PSD3: variants seen among roughly 807,000 people sequenced by gnomAD.
The protein encoded by PSD3 is pleckstrin and Sec7 domain containing 3, also known as PH and SEC7 domain-containing protein 3.
A neutral mutation model predicts 105.5 loss-of-function variants in PSD3; 49 were observed. That is an observed-to-expected ratio of 0.46 (90% CI 0.37 to 0.59). The LOEUF (loss-of-function observed/expected upper bound fraction) is 0.59, where lower values mean the gene tolerates loss of function less well. Ranked by LOEUF, PSD3 falls within the 20% of genes least tolerant of loss-of-function variation. The pLI is 0.00. For missense variants in PSD3, 1,561 were observed against 1,263.8 expected, an observed-to-expected ratio of 1.24 and a Z score of -3.57; for synonymous variants, 557 against 457.8, an observed-to-expected ratio of 1.22 and a Z score of -2.77.
intron 2 of PSD3, among the ~76,000 whole-genome samples, chr8:18,916,590 G>C (rs1457064349): frequency 1.3e-5 from 2 of 151,584 alleles, no homozygotes; most frequent in African/African-American, 2.4e-5. Context: ...GCAGGGAGGA[G>C]GATGAGGAGG....
intron 8 of PSD3, among the ~76,000 whole-genome samples, chr8:18,797,698 T>G (rs1810311290): frequency 2.0e-5 from 3 of 152,330 alleles, no homozygotes; most frequent in Admixed American, 6.5e-5. Context: ...AATCTAGGAT[T>G]TAGTAGAAAC....
At position 18,532,970 on chromosome 8, in the gene PSD3, TGAGGTGGGCGACG is replaced by T; in HGVS notation, c.*2760_*2772del. On this transcript the variant is annotated 3_prime_UTR_variant, in exon 16 of 16. Coordinates refer to ENST00000327040, the MANE Select transcript of PSD3 (RefSeq NM_015310.4). ...AGGAAGTCCCAAGGCTCCTGGGCGC[TGAGGTGGGCGACG>T]GAGGTGGGTGGCGTACCTTCAGAGG... 1 of 152,218 alleles carries T rather than the reference TGAGGTGGGCGACG, an allele frequency of 6.6e-6. No homozygotes were observed. The highest frequency in any genetic ancestry group is 1.5e-5 in the Non-Finnish European group (1 of 68,088). 9.4% of individuals were successfully genotyped at this position (152,218 alleles called of 1,614,324 possible).
chr8:19,033,979 C>G (rs1200229706), intron 1 of PSD3, among the ~76,000 whole-genome samples: 1 of 152,066 alleles, frequency 6.6e-6, no homozygotes, highest in Non-Finnish European at 1.5e-5. Context: ...AAATAAATAT[C>G]TAGGGAAACG....
chr8:18,906,112 C>A (rs1255938603), intron 2 of PSD3, among the ~76,000 whole-genome samples: 3 of 152,090 alleles, frequency 2.0e-5, no homozygotes, highest in Non-Finnish European at 4.4e-5. Context: ...TTTTTCTGTT[C>A]TTTAAGTCTC....
At chr8:18,888,603 T>C (rs1818583494) in intron 2 of PSD3, among the ~76,000 whole-genome samples, 1 of 152,220 alleles carries the variant, frequency 6.6e-6, no homozygotes, top group Non-Finnish European at 1.5e-5. Flanking sequence ...GTTTTATTAC[T>C]GATACTATAA....
intron 1 of PSD3, among the ~76,000 whole-genome samples, chr8:18,995,983 C>T (rs1193430373): frequency 6.6e-6 from 1 of 151,884 alleles, no homozygotes; most frequent in African/African-American, 2.4e-5. Context: ...GTTAAACATG[C>T]AGATCTCAGG....
At chr8:18,961,432 T>C (rs993179698) in intron 1 of PSD3, among the ~76,000 whole-genome samples, 33 of 152,208 alleles carry the variant, frequency 2.2e-4, no homozygotes, top group African/African-American at 7.7e-4. Flanking sequence ...CTCACGCCTA[T>C]AATCCCAGCA....
intron 12 of PSD3, among the ~76,000 whole-genome samples, chr8:18,589,807 A>C (rs1331031522): frequency 6.6e-6 from 1 of 152,166 alleles, no homozygotes; most frequent in African/African-American, 2.4e-5. Context: ...CTGGAGCTGA[A>C]AGCAAAGGCT....
At chr8:18,973,333 A>C (rs964245727) in intron 1 of PSD3, among the ~76,000 whole-genome samples, 2 of 152,230 alleles carry the variant, frequency 1.3e-5, no homozygotes, top group African/African-American at 2.4e-5. Flanking sequence ...TGAGTGGCTT[A>C]AGCAACAGAC....
chr8:18,573,868 T>C (rs1441448524), intron 13 of PSD3, among the ~76,000 whole-genome samples: 1 of 152,188 alleles, frequency 6.6e-6, no homozygotes, highest in Non-Finnish European at 1.5e-5. Context: ...ATTGTGGTGA[T>C]GGCTGAGCCA....
upstream of PSD3, among the ~76,000 whole-genome samples, chr8:19,015,313 G>A (rs147124952): frequency 6.6e-6 from 1 of 152,168 alleles, no homozygotes; most frequent in Non-Finnish European, 1.5e-5. Context: ...ATGTGGAACT[G>A]CAAGTCCAAT....
intron 8 of PSD3, among the ~76,000 whole-genome samples, chr8:18,793,725 C>A (rs1326493088): frequency 1.3e-5 from 2 of 152,114 alleles, no homozygotes; most frequent in Admixed American, 1.3e-4. Context: ...GAGGGCATCA[C>A]AGATACAGAG....
In PSD3 at chr8:18,916,378, A is replaced by ACACACACACACAC. The variant is rs71218909; in HGVS notation, c.130+19655_130+19656insGTGTGTGTGTGTG. On this transcript the variant is annotated intron_variant, in intron 2 of 15. Coordinates refer to ENST00000327040, the MANE Select transcript of PSD3 (RefSeq NM_015310.4). ...CACACACACACACACACACACACAC[A>ACACACACACACAC]AACAGAATACTATACAGCCTTAAAA... 1.3e-3 allele frequency among the ~76,000 whole-genome samples: 110 copies of ACACACACACACAC among 84,054 alleles called. 4 individuals carry two copies. The highest frequency in any genetic ancestry group is 2.0e-3 in the Non-Finnish European group (85 of 41,794). 55.1% of individuals were successfully genotyped at this position (84,054 alleles called of 152,430 possible). A position where few individuals can be genotyped will look rare whatever the true frequency, so the allele number is the denominator to read the frequency against.
chr8:18,823,762 G>A (rs1812937670), intron 4 of PSD3, among the ~76,000 whole-genome samples: 2 of 144,576 alleles, frequency 1.4e-5, no homozygotes, highest in South Asian at 2.3e-4. Context: ...TACACATGGT[G>A]CTTTATCTTA....
intron 9 of PSD3, among the ~76,000 whole-genome samples, chr8:18,751,308 A>C (rs1805472893): frequency 6.6e-6 from 1 of 152,132 alleles, no homozygotes; most frequent in Non-Finnish European, 1.5e-5. Flanking sequence ...CACTGAAACG[A>C]TCCTTACAAG....
At chr8:18,991,149 C>T (rs1321496784) in intron 1 of PSD3, among the ~76,000 whole-genome samples, 8 of 152,218 alleles carry the variant, frequency 5.3e-5, no homozygotes, top group East Asian at 1.9e-4. Flanking sequence ...CCTCATCCCG[C>T]GTGGAGATTA....
chr8:18,728,516 A>G (rs1803494704), intron 9 of PSD3, among the ~76,000 whole-genome samples: 2 of 152,180 alleles, frequency 1.3e-5, no homozygotes, highest in Non-Finnish European at 2.9e-5. Flanking sequence ...CAGAGGAAAC[A>G]GCATGGATGG....
intron 1 of PSD3, among the ~76,000 whole-genome samples, chr8:19,074,721 C>T (rs1346349161): frequency 1.4e-5 from 2 of 146,030 alleles, no homozygotes; most frequent in Admixed American, 7.0e-5. Context: ...CCCGGGTTCA[C>T]GCCATTCTCC....
At position 18,797,004 on chromosome 8, in the gene PSD3, A is replaced by G. The variant is rs1373299534; in HGVS notation, c.2082+2291T>C. Among the ~76,000 whole-genome samples the G allele has an allele frequency of 3.9e-5, 6 of 152,196 alleles. No homozygotes were observed. The East Asian group carries it at 9.6e-4, about 24-fold the overall frequency. ...CAGACACTAAAACAACAACAAAAAA[A>G]TCAGGCAATCATGATGCAAGAGAAG... On this transcript the variant is annotated intron_variant, in intron 8 of 15. Transcript: ENST00000327040.
Sources: gnomAD v4.1 joint callset for allele counts (sites outside exome capture counted in the v4.1 genomes callset) on GRCh38, gnomAD v4.1.1 for gene constraint, MANE v1.5 for transcripts, NCBI Gene and HGNC (gene_info 2026-07-23, HGNC 2026-07-21) for gene names.